Variants in GLS observed in about 807,000 individuals in gnomAD.
GLS encodes the protein glutaminase, also known as glutaminase kidney isoform, mitochondrial.
A neutral mutation model predicts 86.7 loss-of-function variants in GLS; 36 were observed. That is an observed-to-expected ratio of 0.42 (90% confidence interval 0.32 to 0.55). The LOEUF (loss-of-function observed/expected upper bound fraction) is 0.55, where lower values mean the gene tolerates loss of function less well. GLS is among the 20% of genes least tolerant of loss of function. The probability of loss-of-function intolerance (pLI) is 0.17; values close to 1 mark genes in which losing one functional copy is unlikely to be tolerated. For synonymous variants in GLS, 317 were observed against 305.9 expected (o/e 1.04, Z -0.38); for missense variants, 528 against 833.4 (o/e 0.63, Z 4.51).
rs1688115363 is a variant in GLS, at chr2:190,880,888, G to C, written c.-197G>C. 2.1e-6 allele frequency: 1 copy of C among 474,036 alleles called. No homozygotes were observed. Among genetic ancestry groups the C allele is most frequent in the Non-Finnish European group, 3.2e-6 (1 of 315,386 alleles). 29.4% of individuals were successfully genotyped at this position (474,036 alleles called of 1,614,324 possible). ...ATCCTAGCGCGCAGCAGCAGCAGCA[G>C]CAGCAGCAGCAGCAGCAGCAGCAGC... On this transcript the variant is annotated 5_prime_UTR_variant, in exon 1 of 18. Coordinates refer to ENST00000320717, the MANE Select transcript of GLS (RefSeq NM_014905.5).
At chr2:190,912,301 T>C (rs918749532) in intron 7 of GLS, among the ~76,000 whole-genome samples, 5 of 151,680 alleles carry the variant, frequency 3.3e-5, no homozygotes, top group African/African-American at 1.2e-4. Flanking sequence ...TAAGGTCACT[T>C]TCTCCTGAGT....
intron 1 of GLS, among the ~76,000 whole-genome samples, chr2:190,893,729 C>T (rs1044653317): frequency 5.3e-5 from 8 of 151,884 alleles, no homozygotes; most frequent in South Asian, 2.1e-4. Flanking sequence ...GGGATTCAGG[C>T]GCCTGCCACA....
intron 1 of GLS, among the ~76,000 whole-genome samples, chr2:190,892,723 C>T (rs1383883370): frequency 6.6e-6 from 1 of 152,094 alleles, no homozygotes. Flanking sequence ...AATTCATTCT[C>T]AGATCAAAAT....
At chr2:190,900,438 G>T in intron 3 of GLS, 126 bp from the exon 4 acceptor site, 1 of 470,508 alleles carries the variant, frequency 2.1e-6, no homozygotes, top group South Asian at 4.4e-5. Context: ...ATAATTTATA[G>T]AATTTAGTTG....
chr2:190,934,964 C>A (rs2124923933), intron 14 of GLS: 2 of 967,070 alleles, frequency 2.1e-6, no homozygotes, highest in Middle Eastern at 1.1e-3. Context: ...ATTCTTAACA[C>A]CTTTTTAAAC....
chr2:190,883,173 C>A (rs1053791145), intron 1 of GLS, among the ~76,000 whole-genome samples: 3 of 152,120 alleles, frequency 2.0e-5, no homozygotes, highest in Non-Finnish European at 4.4e-5. Flanking sequence ...GGTTTCATTG[C>A]CTTTTTAATA....
In GLS at chr2:190,951,185, C is replaced by T. The variant is rs184636335; in HGVS notation, c.1651-2380C>T. 4.7e-4 allele frequency among the ~76,000 whole-genome samples: 72 copies of T among 152,138 alleles called. No homozygotes were observed. The highest frequency in any genetic ancestry group is 1.7e-3 in the African/African-American group (72 of 41,500). On this transcript the variant is annotated intron_variant, in intron 14 of 17. Coordinates refer to ENST00000320717, the MANE Select transcript of GLS (RefSeq NM_014905.5). The surrounding 1 kb of genome is among the most constrained non-coding windows in gnomAD (Gnocchi z 4.2). ...GGTAATGAATCTGCAAAGCAGCAAA[C>T]AGGAGGAAGATTAGGGTGATGGAGC...
Position 190,905,162 on chromosome 2 carries a change from A to G in GLS, c.974A>G (p.Glu325Gly). ...GLRFNKLFLNEDDKPHNPMVN... is the reference protein window; with the variant it reads ...GLRFNKLFLNGDDKPHNPMVN... ...AGATTCAACAAACTATTTTTGAATG[A>G]AGATGGTAAGAATTACATAAACATT... Residue 325 changes from glutamate (E) to glycine (G), a missense_variant, in exon 6 of 18, where the codon GAA becomes GGA. Glu to Gly is a moderately conservative substitution (Grantham distance 98). Transcript: ENST00000320717. The surrounding 1 kb of genome is among the most constrained non-coding windows in gnomAD (Gnocchi z 4.6). The G allele has an allele frequency of 6.3e-7, 1 of 1,577,186 alleles. No homozygotes were observed. The highest frequency in any genetic ancestry group is 8.7e-7 in the Non-Finnish European group (1 of 1,150,406).
rs1689320363 is a variant in GLS at position 190,910,525 on chromosome 2, T to G, written c.1038+204T>G. 2.6e-5 allele frequency among the ~76,000 whole-genome samples: 4 copies of G among 151,982 alleles called. No homozygotes were observed. The South Asian group carries it at 8.3e-4, about 31-fold the overall frequency. Reference sequence around the variant, plus strand: ...TCAAGGCAAAATTAAAACAGATGACTCATTGTAAATTCCAACAGTCATTTA... The same window carrying G: ...TCAAGGCAAAATTAAAACAGATGACGCATTGTAAATTCCAACAGTCATTTA... On this transcript the variant is annotated intron_variant, in intron 7 of 17. Transcript: ENST00000320717.
At chr2:190,899,547 CTA>C (rs1421895261) in intron 3 of GLS, among the ~76,000 whole-genome samples, 1 of 151,996 alleles carries the variant, frequency 6.6e-6, no homozygotes, top group African/African-American at 2.4e-5. Context: ...TTATTACAGA[CTA>C]AACAAGAAAT....
chr2:190,960,487 CCT>C lies in GLS; in HGVS notation c.1854-2342_1854-2341del, dbSNP rs1317635895. ...TCAAGCGATCCTCCCACCTCAACCT[CCT>C]GAGTAGCTGCAATCACAGGCAAACA... On this transcript the variant is annotated intron_variant, in intron 17 of 17. Coordinates refer to ENST00000320717, the MANE Select transcript of GLS (RefSeq NM_014905.5). Among the ~76,000 whole-genome samples, 6 of 151,568 alleles carry C rather than the reference CCT, an allele frequency of 4.0e-5. No individual in the cohort carries two copies. The East Asian group carries it at 1.2e-3, about 29-fold the overall frequency.
chr2:190,926,478 A>G (rs1298646586), intron 11 of GLS, among the ~76,000 whole-genome samples: 2 of 152,158 alleles, frequency 1.3e-5, no homozygotes, highest in African/African-American at 2.4e-5. Flanking sequence ...AGGAAAATTT[A>G]TAAGTTGAAC....
In GLS at chr2:190,881,436, A is replaced by G; in HGVS notation, c.352A>G (p.Ser118Gly). 6.5e-7 allele frequency: 1 copy of G among 1,545,452 alleles called. No homozygotes were observed. The highest frequency in any genetic ancestry group is 8.7e-7 in the Non-Finnish European group (1 of 1,145,086). The change falls in exon 1 of 18, where the codon AGC (serine) becomes GGC (glycine). Residue 118 changes from serine to glycine, a missense_variant. Around this residue, in one of 4 missense-constraint regions of GLS, gnomAD observed 224 missense variants for 187.9 expected, o/e 1.19. Transcript: ENST00000320717. ...GPGETDAFGN[S>G]EGKELVASGE... ...CGGGGAGACGGACGCGTTTGGCAAC[A>G]GCGAGGGCAAAGAGCTGGTGGCCTC...
intron 17 of GLS, among the ~76,000 whole-genome samples, chr2:190,961,685 A>T: frequency 2.0e-5 from 2 of 100,066 alleles, no homozygotes; most frequent in Non-Finnish European, 1.9e-5. Flanking sequence ...CACTTAATTC[A>T]GCTGTTTTTT....
intron 1 of GLS, among the ~76,000 whole-genome samples, chr2:190,886,259 G>A (rs1688375443): frequency 1.3e-5 from 2 of 152,114 alleles, no homozygotes; most frequent in Non-Finnish European, 2.9e-5. Flanking sequence ...ATTGAAATGT[G>A]CATCAGTCAT....
chr2:190,886,905 G>T (rs1688400799), intron 1 of GLS, among the ~76,000 whole-genome samples: 1 of 123,022 alleles, frequency 8.1e-6, no homozygotes, highest in Non-Finnish European at 1.7e-5. Context: ...GACAGAGCGA[G>T]ACTCTTGTCT....
rs747440198 is a variant in GLS, at chr2:190,924,655, G to A, written c.1248+62G>A. On this transcript the variant is annotated intron_variant, in intron 11 of 17. Coordinates refer to ENST00000320717, the MANE Select transcript of GLS (RefSeq NM_014905.5). The surrounding 1 kb of genome is among the most constrained non-coding windows in gnomAD (Gnocchi z 5.2). ...GTGTCGGCTGGGCACGGTGGCTCAC[G>A]CCTGTAATCCCAGCACTTTGGGAGG... is the stretch of plus-strand genomic sequence containing the variant. The A allele has an allele frequency of 1.3e-5, 12 of 903,650 alleles. No individual in the cohort carries two copies. Among genetic ancestry groups the A allele is most frequent in the South Asian group, 6.6e-5 (5 of 75,346 alleles). 56.0% of individuals were successfully genotyped at this position (903,650 alleles called of 1,614,324 possible).
In GLS at chr2:190,881,561, C is replaced by T. The variant is rs1173364302; in HGVS notation, c.386+91C>T. The T allele has an allele frequency of 2.5e-6, 3 of 1,217,050 alleles. No individual in the cohort carries two copies. In the Admixed American group the frequency reaches 7.5e-5, roughly 30 times the overall value. 75.4% of individuals were successfully genotyped at this position (1,217,050 alleles called of 1,614,324 possible). A position where few individuals can be genotyped will look rare whatever the true frequency, so the allele number is the denominator to read the frequency against. On this transcript the variant is annotated intron_variant, in intron 1 of 17. Coordinates refer to ENST00000320717, the MANE Select transcript of GLS (RefSeq NM_014905.5). The stretch of plus-strand genomic sequence containing the variant: ...GCCCTGCGGTGGGGCGGGATAGGAG[C>T]CGAGGGTCTAGAAAAGAGAAAGAAA...
At chr2:190,886,975 A>G (rs1366339903) in intron 1 of GLS, among the ~76,000 whole-genome samples, 1 of 151,898 alleles carries the variant, frequency 6.6e-6, no homozygotes, top group Non-Finnish European at 1.5e-5. Context: ...TTCTTGTGAT[A>G]TTTGAAATGA....
Sources: gnomAD v4.1 joint callset for allele counts (sites outside exome capture counted in the v4.1 genomes callset) on GRCh38, gnomAD v4.1.1 for gene constraint, gnomAD v4.1.1 regional missense constraint, Gnocchi (gnomAD v3.1) non-coding constraint, MANE v1.5 for transcripts, NCBI Gene and HGNC (gene_info 2026-07-23, HGNC 2026-07-21) for gene names.